Variants in TARBP1 observed in about 807,000 individuals in gnomAD.
The protein encoded by TARBP1 is tRNA (guanosine(18)-2'-O)-methyltransferase TARBP1.
TARBP1 carries 144 observed loss-of-function variants against 178.6 expected under a neutral mutation model. The ratio of observed to expected loss-of-function variants is 0.81; its 90% CI spans 0.70 to 0.93. The LOEUF (loss-of-function observed/expected upper bound fraction) is 0.93. Among genes scored for constraint, TARBP1 ranks in the 40% least tolerant of loss-of-function variants. The pLI is 0.00. For missense variants in TARBP1, 2,067 were observed against 2,011.7 expected, an observed-to-expected ratio of 1.03 and a Z score of -0.53; for synonymous variants, 787 against 781.0, an observed-to-expected ratio of 1.01 and a Z score of -0.13.
intron 3 of TARBP1, among the ~76,000 whole-genome samples, chr1:234,470,191 C>G: frequency 6.6e-6 from 1 of 151,964 alleles, no homozygotes; most frequent in African/African-American, 2.4e-5. Flanking sequence ...TGCCTGAACC[C>G]GGGAAGCAGA....
At chr1:234,392,705 ATCAATT>A in intron 28 of TARBP1, 153 bp from the exon 29 acceptor site, 1 of 551,968 alleles carries the variant, frequency 1.8e-6, no homozygotes, top group Non-Finnish European at 2.9e-6. Context: ...CCAACATGAC[ATCAATT>A]TCTTTTTTTT....
At chr1:234,396,493 G>A (rs745339016) in intron 26 of TARBP1, among the ~76,000 whole-genome samples, 12 of 151,986 alleles carry the variant, frequency 7.9e-5, no homozygotes, top group Non-Finnish European at 1.5e-4. Flanking sequence ...GTTTTTTCAC[G>A]GTACTTCTAC....
At chr1:234,422,119 C>A (rs1374229151) in intron 20 of TARBP1, among the ~76,000 whole-genome samples, 1 of 152,148 alleles carries the variant, frequency 6.6e-6, no homozygotes, top group Non-Finnish European at 1.5e-5. Context: ...GTGGATCATT[C>A]ACGCATTCAG....
Position 234,429,248 on chromosome 1 carries a change from G to A in TARBP1, c.2948C>T (p.Thr983Ile), listed in dbSNP as rs374678756. ...TAAATTAGCCCAGAATATCAGCTGA[G>A]TGTTGCTTAAAGAAGATATAATTTT... ...AWKIISSLSNTQLIFWANLKA... is the reference protein window; with the variant it reads ...AWKIISSLSNIQLIFWANLKA... Residue 983 changes from threonine (T) to isoleucine (I), a missense_variant, in exon 17 of 30, where the codon ACT becomes ATT. Physicochemically the swap from Thr to Ile is moderately conservative, Grantham distance 89 (BLOSUM62 -1). Coordinates refer to ENST00000040877, the MANE Select transcript of TARBP1 (RefSeq NM_005646.4). The A allele has an allele frequency of 1.9e-6, 3 of 1,609,612 alleles. No homozygotes were observed. The African/African-American group carries it at 4.0e-5, about 22-fold the overall frequency.
At chr1:234,464,314 A>C (rs1668209404) in intron 5 of TARBP1, among the ~76,000 whole-genome samples, 1 of 152,208 alleles carries the variant, frequency 6.6e-6, no homozygotes, top group Admixed American at 6.5e-5. Flanking sequence ...TTAGGTCTAA[A>C]ACAAAAGAAG....
intron 26 of TARBP1, among the ~76,000 whole-genome samples, chr1:234,395,229 T>C (rs780573893): frequency 7.9e-5 from 12 of 151,424 alleles, no homozygotes; most frequent in Non-Finnish European, 1.5e-5. Flanking sequence ...AGACTCCGTC[T>C]CAAAGAAAAA....
Position 234,394,893 on chromosome 1 carries a change from C to A in TARBP1, c.4244-1056G>T, listed in dbSNP as rs142555027. Among the ~76,000 whole-genome samples, 7 of 152,002 alleles carry A rather than the reference C, an allele frequency of 4.6e-5. No individual in the cohort carries two copies. In the East Asian group the frequency reaches 1.4e-3, roughly 29 times the overall value. On this transcript the variant is annotated intron_variant, in intron 26 of 29. Coordinates refer to ENST00000040877, the MANE Select transcript of TARBP1 (RefSeq NM_005646.4). ...TCACCTGAGGTCAGGAGTTTGAGAC[C>A]AGCCTGGCCAACATGGTGAAACCCC...
At chr1:234,425,850 T>C (rs1663688633) in intron 19 of TARBP1, 57 bp from the exon 20 acceptor site, 4 of 1,337,854 alleles carry the variant, frequency 3.0e-6, no homozygotes, top group South Asian at 1.4e-5. Context: ...AAAATTAACA[T>C]CAAATATTAG....
intron 25 of TARBP1, among the ~76,000 whole-genome samples, chr1:234,399,085 T>C (rs775561713): frequency 3.3e-5 from 5 of 152,206 alleles, no homozygotes; most frequent in African/African-American, 9.6e-5. Context: ...TAAAATCAGA[T>C]TACAACAACA....
intron 3 of TARBP1, among the ~76,000 whole-genome samples, chr1:234,468,945 A>T (rs1668745893): frequency 6.6e-6 from 1 of 151,378 alleles, no homozygotes; most frequent in Non-Finnish European, 1.5e-5. Context: ...ATATCTTACA[A>T]TCAAAACTAT....
chr1:234,466,623 G>A (rs988390509), intron 4 of TARBP1, among the ~76,000 whole-genome samples: 3 of 152,118 alleles, frequency 2.0e-5, no homozygotes, highest in African/African-American at 7.2e-5. Context: ...AGCACTTTGG[G>A]AGGCCAAGGC....
At chr1:234,410,934 T>C (rs1322429649) in intron 22 of TARBP1, among the ~76,000 whole-genome samples, 7 of 152,186 alleles carry the variant, frequency 4.6e-5, no homozygotes, top group South Asian at 2.1e-4. Context: ...TCGCTGGGCA[T>C]GGTAGCGCAC....
chr1:234,471,202 A>G lies in TARBP1; in HGVS notation c.1085T>C (p.Val362Ala). 6.3e-7 allele frequency: 1 copy of G among 1,599,532 alleles called. No homozygotes were observed. The highest frequency in any genetic ancestry group is 8.5e-7 in the Non-Finnish European group (1 of 1,175,922). The change falls in exon 3 of 30, where the codon GTG (valine) becomes GCG (alanine). Residue 362 changes from valine to alanine, a missense_variant. Val to Ala is a moderately conservative substitution (Grantham distance 64). Transcript: ENST00000040877. ...PKLNNLFEYA[V>A]SEENGCWLFH... ...GTAATCGTTACCATTTTCCTCTGAC[A>G]CCGCATATTCAAACAGATTGTTTAG...
chr1:234,413,071 A>G (rs991121712), intron 22 of TARBP1, among the ~76,000 whole-genome samples: 1 of 152,120 alleles, frequency 6.6e-6, no homozygotes, highest in Non-Finnish European at 1.5e-5. Flanking sequence ...CCTGCTGGAG[A>G]CACAGAGTGG....
intron 23 of TARBP1, among the ~76,000 whole-genome samples, chr1:234,408,281 G>A (rs1661468859): frequency 6.6e-6 from 1 of 152,114 alleles, no homozygotes; most frequent in African/African-American, 2.4e-5. Flanking sequence ...CTGAGGTGGG[G>A]AAAGAGATCT....
intron 14 of TARBP1, among the ~76,000 whole-genome samples, chr1:234,432,711 AC>A (rs1664588662): frequency 6.6e-6 from 1 of 151,222 alleles, no homozygotes; most frequent in Non-Finnish European, 1.5e-5. Context: ...AAGATAGGAC[AC>A]ATGCTTGTGA....
At chr1:234,395,654 G>C (rs569101286) in intron 26 of TARBP1, among the ~76,000 whole-genome samples, 1 of 152,350 alleles carries the variant, frequency 6.6e-6, no homozygotes, top group Non-Finnish European at 1.5e-5. Flanking sequence ...GTTCAGGACA[G>C]AGGCTGGGCA....
At chr1:234,421,181 C>G (rs1373308852) in intron 20 of TARBP1, among the ~76,000 whole-genome samples, 1 of 152,096 alleles carries the variant, frequency 6.6e-6, no homozygotes, top group African/African-American at 2.4e-5. Flanking sequence ...CTCCGCCTCC[C>G]GGGTTCTAGC....
intron 6 of TARBP1, among the ~76,000 whole-genome samples, chr1:234,460,992 T>A (rs1214245622): frequency 6.6e-6 from 1 of 152,200 alleles, no homozygotes; most frequent in African/African-American, 2.4e-5. Flanking sequence ...TATGCAAATC[T>A]ATAGAGACAA....
Sources: allele counts gnomAD v4.1 joint callset (sites outside exome capture counted in the v4.1 genomes callset), GRCh38; gene constraint gnomAD v4.1.1; transcripts MANE v1.5; gene names NCBI Gene and HGNC (gene_info 2026-07-23, HGNC 2026-07-21).